The following KIF7 variants were observed in gnomAD, a reference collection of about 807,000 sequenced individuals.
The protein encoded by KIF7 is kinesin-like protein KIF7.
Under a neutral mutation model 135.7 loss-of-function variants are expected in KIF7, and 104 were observed. The observed-to-expected ratio is 0.77, with a 90% confidence interval of 0.65 to 0.90. KIF7 has a LOEUF of 0.90. Among genes scored for constraint, KIF7 ranks in the 40% least tolerant of loss-of-function variants. The pLI is 0.00. For synonymous variants in KIF7, 883 were observed against 809.4 expected (o/e 1.09, Z -1.54); for missense variants, 2,005 against 1,839.1 (o/e 1.09, Z -1.65).
At chr15:89,651,213 C>T (rs1023334692) in intron 2 of KIF7, among the ~76,000 whole-genome samples, 6 of 152,142 alleles carry the variant, frequency 3.9e-5, no homozygotes, top group African/African-American at 1.4e-4. Flanking sequence ...GATTCCCCTG[C>T]CTCAGCCTCC....
intron 11 of KIF7, among the ~76,000 whole-genome samples, chr15:89,637,305 C>T (rs1313313753): frequency 8.1e-4 from 115 of 141,528 alleles, no homozygotes; most frequent in Middle Eastern, 3.6e-3. Flanking sequence ...CAAAAGCTAG[C>T]AGAAGGCAAG....
upstream of KIF7, among the ~76,000 whole-genome samples, chr15:89,656,757 A>G (rs1313668286): frequency 6.6e-6 from 1 of 152,000 alleles, no homozygotes; most frequent in Admixed American, 6.6e-5. Context: ...AGAAACTAAA[A>G]CCTCGAGCAA....
chr15:89,624,063 T>C (rs200621044), downstream of KIF7: 1 of 1,612,934 alleles, frequency 6.2e-7, no homozygotes, highest in Non-Finnish European at 8.5e-7. Flanking sequence ...TCAGAACACC[T>C]CCGAGAGCAG....
At position 89,631,628 on chromosome 15, in the gene KIF7, C is replaced by T. The variant is rs746107537; in HGVS notation, c.2978G>A (p.Arg993Gln). 1.9e-5 allele frequency: 29 copies of T among 1,561,374 alleles called. No individual in the cohort carries two copies. Among genetic ancestry groups the T allele is most frequent in the East Asian group, 4.8e-5 (2 of 41,586 alleles). The change falls in exon 15 of 19, where the codon CGG becomes CAG. Residue 993 changes from arginine (R) to glutamine (Q), a missense_variant. By Grantham distance (43) the Arg-to-Gln change is conservative. Coordinates refer to ENST00000394412, the MANE Select transcript of KIF7 (RefSeq NM_198525.3). The stretch of plus-strand genomic sequence containing the variant: ...CTGCTGGCTCTGGGCGCTGCCCTGC[C>T]GCAGCTGCCCGCTCTTCTCGGACAG... ...KELSEKSGQLRQGSAQSQQQI... is the reference protein window; with the variant it reads ...KELSEKSGQLQQGSAQSQQQI...
chr15:89,622,473 A>G lies in KIF7; in HGVS notation c.181-4278T>C, dbSNP rs370679281. Among the ~76,000 whole-genome samples, 33 of 152,316 alleles carry G rather than the reference A, an allele frequency of 2.2e-4. 1 individual carries two copies. In the South Asian group the frequency reaches 6.0e-3, roughly 28 times the overall value. On this transcript the variant is annotated intron_variant and NMD_transcript_variant, in intron 1 of 2. Transcript: ENST00000558928. The stretch of plus-strand genomic sequence containing the variant: ...AAATGTTCACTTTGCTTAAAGCTCT[A>G]TAGACTCCCCGTCCGCTAAAGCAAG...
chr15:89,619,688 C>T (rs370521783), intron 1 of KIF7: 265 of 1,595,098 alleles, frequency 1.7e-4, no homozygotes, highest in Non-Finnish European at 2.1e-4. Context: ...TGGTTACTTA[C>T]TGTGGTTCTG....
downstream of KIF7, chr15:89,627,627 G>A (rs1963558306): frequency 6.5e-6 from 1 of 154,398 alleles, no homozygotes; most frequent in Non-Finnish European, 1.4e-5. Context: ...GTTTAATGTT[G>A]GGCCTGAGGT....
chr15:89,632,768 A>C, intron 14 of KIF7, 52 bp downstream of exon 14: 7 of 1,561,666 alleles, frequency 4.5e-6, no homozygotes, highest in Non-Finnish European at 6.1e-6. Context: ...TCCTGGCTGG[A>C]CCTCACTTCA....
downstream of KIF7, chr15:89,624,211 ACTT>A: frequency 6.2e-7 from 1 of 1,614,208 alleles, no homozygotes. Flanking sequence ...TTCAACTGTG[ACTT>A]CTTCCCCACC....
downstream of KIF7, chr15:89,623,622 G>T: frequency 6.3e-7 from 1 of 1,593,886 alleles, no homozygotes. Context: ...TCTCTTTTCA[G>T]ACTCCCAAGA....
At chr15:89,639,400 A>G (rs1226792097) in intron 11 of KIF7, among the ~76,000 whole-genome samples, 4 of 138,840 alleles carry the variant, frequency 2.9e-5, no homozygotes, top group Non-Finnish European at 6.2e-5. Flanking sequence ...CATCTGACAG[A>G]GGGCTAATAT....
intron 10 of KIF7, among the ~76,000 whole-genome samples, chr15:89,642,692 C>T (rs1202801438): frequency 6.6e-6 from 1 of 152,216 alleles, no homozygotes; most frequent in Non-Finnish European, 1.5e-5. Context: ...GCCTCAGCCT[C>T]CCAAGTAGCT....
At chr15:89,633,455 C>T (rs1963730436) in intron 12 of KIF7, among the ~76,000 whole-genome samples, 189 bp from the exon 13 acceptor site, 1 of 152,190 alleles carries the variant, frequency 6.6e-6, no homozygotes, top group Non-Finnish European at 1.5e-5. Flanking sequence ...GAAATAAGCC[C>T]CACAAGATGC....
chr15:89,649,783 T>G lies in KIF7; in HGVS notation c.487A>C (p.Ser163Arg). 8 of 1,551,858 alleles carry G rather than the reference T, an allele frequency of 5.2e-6. No homozygotes were observed. Among genetic ancestry groups the G allele is most frequent in the Non-Finnish European group, 7.0e-6 (8 of 1,147,022 alleles). ...FRDLLEVGTA[S>R]RDIQLREDER... ...TCTTCCCGGAGCTGGATGTCACGGC[T>G]GGCAGTGCCCACCTCGAGCAGGTCT... Residue 163 changes from serine (S) to arginine (R), a missense_variant, in exon 3 of 19, where the codon AGC (serine) becomes CGC (arginine). By Grantham distance (110) the Ser-to-Arg change is moderately radical. Coordinates refer to ENST00000394412, the MANE Select transcript of KIF7 (RefSeq NM_198525.3).
At chr15:89,627,049 G>T, downstream of KIF7, 1 of 1,614,080 alleles carries the variant, frequency 6.2e-7, no homozygotes, top group Non-Finnish European at 8.5e-7. Flanking sequence ...ACTTATACAC[G>T]GAAGAAGCTC....
At chr15:89,622,122 A>AC (rs1221656672) in intron 1 of KIF7, among the ~76,000 whole-genome samples, 1 of 151,578 alleles carries the variant, frequency 6.6e-6, no homozygotes, top group East Asian at 1.9e-4. Context: ...AGTAGCTAGG[A>AC]TTACAGGCAC....
intron 11 of KIF7, 108 bp downstream of exon 11, chr15:89,642,095 G>A (rs900739753): frequency 4.3e-5 from 51 of 1,182,370 alleles, no homozygotes; most frequent in Non-Finnish European, 6.1e-5. Flanking sequence ...GGAGCACAAG[G>A]TTCCACAGTG....
In KIF7 at chr15:89,645,920, G is replaced by A. The variant is rs115857753; in HGVS notation, c.1895C>T (p.Pro632Leu). 3,145 of 1,613,688 alleles carry A rather than the reference G, an allele frequency of 1.9e-3. 60 individuals carry two copies. The African/African-American group carries it at 0.038, about 19-fold the overall frequency. The change falls in exon 8 of 19, where the codon CCG (proline) becomes CTG (leucine). Residue 632 changes from proline (P) to leucine (L), a missense_variant. Transcript: ENST00000394412. ...GCGCAGGTGTAAGGTCCGCCTGGGCGGCTCCTCCTCCTCCTCTTCCTCCTC... is the reference window on the plus strand; with the variant it reads ...GCGCAGGTGTAAGGTCCGCCTGGGCAGCTCCTCCTCCTCCTCTTCCTCCTC... Reference protein sequence around the residue: ...ASEEEEEEEEPPRRTLHLRRN... With the variant: ...ASEEEEEEEELPRRTLHLRRN...
chr15:89,636,784 A>C (rs1596071092), intron 11 of KIF7, among the ~76,000 whole-genome samples: 1 of 133,140 alleles, frequency 7.5e-6, no homozygotes, highest in Admixed American at 7.6e-5. Context: ...ACAGAAAGTC[A>C]ACAAGGATAC....
Sources: allele counts gnomAD v4.1 joint callset (sites outside exome capture counted in the v4.1 genomes callset), GRCh38; gene constraint gnomAD v4.1.1; transcripts MANE v1.5; gene names NCBI Gene and HGNC (gene_info 2026-07-23, HGNC 2026-07-21).